MILR1: variants seen among roughly 807,000 people sequenced by gnomAD.
The protein encoded by MILR1 is mast cell immunoglobulin like receptor 1.
MILR1 carries 31 observed loss-of-function variants against 18.5 expected under a neutral mutation model. The ratio of observed to expected loss-of-function variants is 1.68; its 90% CI spans 1.26 to 2.26. The LOEUF (loss-of-function observed/expected upper bound fraction) is 2.26, where lower values mean the gene tolerates loss of function less well. Among genes scored for constraint, MILR1 ranks in the 30% most tolerant of loss-of-function variants. The pLI is 0.00. For missense variants in MILR1, 257 were observed against 157.4 expected, an observed-to-expected ratio of 1.63 and a Z score of -3.38; for synonymous variants, 85 against 56.2, an observed-to-expected ratio of 1.51 and a Z score of -2.30.
chr17:64,479,509 TC>T, the MILR1 span, among the ~76,000 whole-genome samples: 6 of 152,032 alleles, frequency 3.9e-5, no homozygotes, highest in African/African-American at 1.4e-4. Context: ...TAACAAATGT[TC>T]AGAGAACTGA....
the MILR1 span, chr17:64,490,621 G>A: frequency 4.8e-6 from 3 of 629,866 alleles, no homozygotes; most frequent in Admixed American, 2.5e-5. Context: ...GTGGATTACT[G>A]TTAATTTCCT....
At chr17:64,473,737 T>C in the MILR1 span, among the ~76,000 whole-genome samples, 1 of 152,114 alleles carries the variant, frequency 6.6e-6, no homozygotes, top group East Asian at 1.9e-4. Flanking sequence ...ATAAAAAAAT[T>C]ATTAAAAGCA....
At position 64,465,284 on chromosome 17, in the gene MILR1, A is replaced by G. The variant is rs560209907; in HGVS notation, c.764-168A>G. Among the ~76,000 whole-genome samples, 3 of 152,344 alleles carry G rather than the reference A, an allele frequency of 2.0e-5. No individual in the cohort carries two copies. The East Asian group carries it at 5.8e-4, about 29-fold the overall frequency. ...CCCCTGGCTTGGAGGAGCGGTGTCT[A>G]GACTCCCTGTTGAGTCTATAGTTTT... On this transcript the variant is annotated intron_variant, in intron 5 of 9. Transcript: ENST00000619286.
downstream of MILR1, among the ~76,000 whole-genome samples, chr17:64,472,644 T>C (rs1230985109): frequency 6.6e-6 from 1 of 152,022 alleles, no homozygotes; most frequent in Non-Finnish European, 1.5e-5. Flanking sequence ...GATACACAAA[T>C]ACTTACCATT....
chr17:64,482,331 T>TC, the MILR1 span, among the ~76,000 whole-genome samples: 1 of 150,616 alleles, frequency 6.6e-6, no homozygotes, highest in African/African-American at 2.4e-5. Flanking sequence ...TAAAAACTTT[T>TC]TTTTTTTTTT....
the MILR1 span, among the ~76,000 whole-genome samples, chr17:64,493,755 G>A: frequency 2.0e-5 from 3 of 151,990 alleles, no homozygotes; most frequent in Non-Finnish European, 4.4e-5. Context: ...CAAAGTGCTG[G>A]GATTACAGGC....
At chr17:64,478,201 A>C in the MILR1 span, among the ~76,000 whole-genome samples, 1 of 152,230 alleles carries the variant, frequency 6.6e-6, no homozygotes, top group Admixed American at 6.5e-5. Context: ...AGAGCTGAAA[A>C]GTCATAAAAG....
intron 2 of MILR1, among the ~76,000 whole-genome samples, chr17:64,451,137 G>GTT (rs36005647): frequency 6.7e-6 from 1 of 148,290 alleles, no homozygotes; most frequent in Non-Finnish European, 1.5e-5. Context: ...TTTATTTAGG[G>GTT]TTTTTTTTTT....
At chr17:64,479,930 T>TCTCAGAATGGA in the MILR1 span, among the ~76,000 whole-genome samples, 1 of 152,196 alleles carries the variant, frequency 6.6e-6, no homozygotes, top group Non-Finnish European at 1.5e-5. Context: ...TTCCACTCAG[T>TCTCAGAATGGA]CTCAGAATGG....
chr17:64,493,182 T>G, the MILR1 span, among the ~76,000 whole-genome samples: 1 of 151,748 alleles, frequency 6.6e-6, no homozygotes, highest in African/African-American at 2.4e-5. Flanking sequence ...CTTTGGGAGG[T>G]CGAGGTGGGC....
the MILR1 span, among the ~76,000 whole-genome samples, chr17:64,484,743 G>A: frequency 6.6e-6 from 1 of 152,132 alleles, no homozygotes; most frequent in Non-Finnish European, 1.5e-5. Flanking sequence ...CCATTCCCCA[G>A]AATAATTCTA....
chr17:64,465,405 A>G, intron 5 of MILR1, 47 bp from the exon 6 acceptor site: 2 of 1,365,994 alleles, frequency 1.5e-6, no homozygotes, highest in Non-Finnish European at 2.1e-6. Context: ...GATGAGAAAA[A>G]TGTGGCTGAA....
chr17:64,492,480 AT>A, the MILR1 span, among the ~76,000 whole-genome samples: 4 of 152,212 alleles, frequency 2.6e-5, no homozygotes. Flanking sequence ...AGCCCAACAA[AT>A]GTTTTTACCA....
Position 64,466,464 on chromosome 17 carries a change from G to A in MILR1, c.876G>A (p.Val292=). 6.2e-7 allele frequency: 1 copy of A among 1,613,720 alleles called. No homozygotes were observed. Among genetic ancestry groups the A allele is most frequent in the Non-Finnish European group, 8.5e-7 (1 of 1,179,766 alleles). The change falls in exon 7 of 10, where the codon GTG becomes GTA. Residue 292 remains valine, a synonymous_variant. Coordinates refer to ENST00000619286, the MANE Select transcript of MILR1 (RefSeq NM_001085423.2). The part of the protein sequence containing the change: ...KQAKEESVPE[V]GSRPCVSTAQ... The stretch of plus-strand genomic sequence containing the variant: ...CAGAGGAGGAATCTGTGCCAGAAGT[G>A]GGATCCAGGCCGTGTGTTTCCACAG...
At chr17:64,481,649 G>A in the MILR1 span, among the ~76,000 whole-genome samples, 4 of 152,076 alleles carry the variant, frequency 2.6e-5, no homozygotes, top group African/African-American at 7.2e-5. Flanking sequence ...GAGGTGGGCG[G>A]ATCACTTGAG....
At chr17:64,480,563 ACTT>A in the MILR1 span, among the ~76,000 whole-genome samples, 12 of 152,376 alleles carry the variant, frequency 7.9e-5, no homozygotes, top group African/African-American at 2.6e-4. Flanking sequence ...TAAATCGTAT[ACTT>A]CTTCTGAAAA....
the MILR1 span, among the ~76,000 whole-genome samples, chr17:64,478,178 C>T: frequency 1.3e-5 from 2 of 152,282 alleles, no homozygotes; most frequent in East Asian, 3.9e-4. Flanking sequence ...CAGACAGTTT[C>T]TAACTTATTG....
chr17:64,465,305 G>A (rs2037528802), intron 5 of MILR1, 147 bp from the exon 6 acceptor site: 5 of 626,286 alleles, frequency 8.0e-6, no homozygotes, highest in Non-Finnish European at 1.4e-5. Flanking sequence ...TGAGTCTATA[G>A]TTTTCCTTTG....
chr17:64,463,506 T>C (rs2037477690), intron 5 of MILR1, among the ~76,000 whole-genome samples: 1 of 152,278 alleles, frequency 6.6e-6, no homozygotes, highest in Admixed American at 6.5e-5. Context: ...GCCTCAGTGT[T>C]CTGAGTTGTG....
Sources: allele counts gnomAD v4.1 joint callset (sites outside exome capture counted in the v4.1 genomes callset), GRCh38; gene constraint gnomAD v4.1.1; transcripts MANE v1.5; gene names NCBI Gene and HGNC (gene_info 2026-07-23, HGNC 2026-07-21).